RMND1: variants seen among roughly 807,000 people sequenced by gnomAD.
RMND1 encodes required for meiotic nuclear division protein 1 homolog.
RMND1 carries 41 observed loss-of-function variants against 54.0 expected under a neutral mutation model. The observed-to-expected ratio is 0.76, with a 90% confidence interval of 0.59 to 0.98. The LOEUF (loss-of-function observed/expected upper bound fraction) is 0.98. RMND1 is among the 50% of genes least tolerant of loss of function. RMND1 has a pLI of 0.00. For missense variants in RMND1, 457 were observed against 532.0 expected, an observed-to-expected ratio of 0.86 and a Z score of 1.39; for synonymous variants, 183 against 181.7, an observed-to-expected ratio of 1.01 and a Z score of -0.06.
Position 151,433,239 on chromosome 6 carries a change from T to C in RMND1, c.614-9A>G. The C allele has an allele frequency of 6.3e-7, 1 of 1,599,928 alleles. No homozygotes were observed. On this transcript the variant is annotated splice_polypyrimidine_tract_variant and intron_variant, in intron 3 of 11. Coordinates refer to ENST00000444024, the MANE Select transcript of RMND1 (RefSeq NM_017909.4). ...CAAAATATTTGCTGCATCTGTGATT[T>C]AAAATAAACGAACAAAAAAGCTATG...
At chr6:151,434,291 T>A (rs1306872645) in intron 3 of RMND1, among the ~76,000 whole-genome samples, 1 of 151,944 alleles carries the variant, frequency 6.6e-6, no homozygotes, top group African/African-American at 2.4e-5. Flanking sequence ...AATATACTAT[T>A]AATTTGCAAA....
chr6:151,417,967 C>G (rs545705176), intron 9 of RMND1, among the ~76,000 whole-genome samples: 1 of 152,050 alleles, frequency 6.6e-6, no homozygotes, highest in Non-Finnish European at 1.5e-5. Flanking sequence ...TACCATCACA[C>G]CTGGCTAATT....
At chr6:151,439,656 T>C (rs1328618556) in intron 2 of RMND1, among the ~76,000 whole-genome samples, 1 of 152,174 alleles carries the variant, frequency 6.6e-6, no homozygotes, top group African/African-American at 2.4e-5. Flanking sequence ...TTCTGTTTTT[T>C]ACTTTATTAT....
intron 1 of RMND1, among the ~76,000 whole-genome samples, chr6:151,448,652 A>C (rs112689364): frequency 3.3e-4 from 51 of 152,326 alleles, no homozygotes; most frequent in Middle Eastern, 3.4e-3. Flanking sequence ...CCCATGGATT[A>C]TTATAATAGC....
chr6:151,421,358 G>A, intron 8 of RMND1, 37 bp from the exon 9 acceptor site: 2 of 1,474,944 alleles, frequency 1.4e-6, no homozygotes. Flanking sequence ...AAAAAACCAT[G>A]TATCTCTCTT....
chr6:151,427,384 A>C, intron 6 of RMND1, 98 bp downstream of exon 6: 1 of 708,556 alleles, frequency 1.4e-6, no homozygotes, highest in Non-Finnish European at 2.4e-6. Context: ...TCAAAAAAAA[A>C]AAAAAAGTTT....
intron 5 of RMND1, among the ~76,000 whole-genome samples, chr6:151,429,563 G>A (rs371229626): frequency 4.0e-5 from 6 of 150,916 alleles, no homozygotes; most frequent in Admixed American, 3.3e-4. Context: ...TGTGTATTTT[G>A]GTAATTTCTA....
intron 5 of RMND1, among the ~76,000 whole-genome samples, chr6:151,429,123 C>CTTTTTTTTTT (rs528642361): frequency 1.5e-4 from 21 of 140,046 alleles, no homozygotes; most frequent in African/African-American, 5.2e-4. Context: ...TTGTAACCCG[C>CTTTTTTTTTT]TTTTTTTTTT....
chr6:151,425,288 C>A (rs1170550136), intron 6 of RMND1, among the ~76,000 whole-genome samples: 1 of 152,112 alleles, frequency 6.6e-6, no homozygotes, highest in African/African-American at 2.4e-5. Context: ...CAGAGCTGAG[C>A]AGATCCCTGG....
In RMND1 at chr6:151,427,510, T is replaced by C; in HGVS notation, c.802A>G (p.Asn268Asp). Residue 268 changes from asparagine to aspartate, a missense_variant, in exon 6 of 12, where the codon AAT (asparagine) becomes GAT (aspartate). Physicochemically the swap from Asn to Asp is conservative, Grantham distance 23. Transcript: ENST00000444024. ...PYEIALVHWE[N>D]EELNYIKIEG... is the part of the protein sequence containing the mutation. ...ATTTTTATGTAGTTAAGTTCTTCAT[T>C]TTCCCAGTGTACCAGTGCGATTTCA... 1 of 1,611,354 alleles carries C rather than the reference T, an allele frequency of 6.2e-7. No individual in the cohort carries two copies. The highest frequency in any genetic ancestry group is 8.5e-7 in the Non-Finnish European group (1 of 1,177,676).
chr6:151,417,339 TTC>T lies in RMND1; in HGVS notation c.1138_1139del (p.Glu380LysfsTer8). On this transcript the variant is annotated frameshift_variant, in exon 10 of 12. Transcript: ENST00000444024. LOFTEE classifies it high-confidence loss of function. ...LITPDFYWDR[E>X]NLEGLYDKTC... is the part of the protein sequence containing the mutation. ...TTTTATCGTAAAGTCCTTCCAGGTTTTCTCTGTCCCAGTAGAAATCAGGAGTA... is the reference window on the plus strand; with the variant it reads ...TTTTATCGTAAAGTCCTTCCAGGTTTTCTGTCCCAGTAGAAATCAGGAGTA... 6.2e-7 allele frequency: 1 copy of T among 1,613,872 alleles called. No individual in the cohort carries two copies. Among genetic ancestry groups the T allele is most frequent in the Non-Finnish European group, 8.5e-7 (1 of 1,179,868 alleles).
intron 2 of RMND1, among the ~76,000 whole-genome samples, chr6:151,443,646 G>C (rs945854602): frequency 6.6e-6 from 1 of 152,126 alleles, no homozygotes; most frequent in African/African-American, 2.4e-5. Flanking sequence ...TGTGCTTTCA[G>C]AAAGACAGCA....
Position 151,405,100 on chromosome 6 carries a change from C to T in RMND1, c.*135G>A, listed in dbSNP as rs1779563351. The T allele has an allele frequency of 1.0e-5, 7 of 689,894 alleles. No homozygotes were observed. The highest frequency in any genetic ancestry group is 1.7e-5 in the Non-Finnish European group (7 of 400,094). The allele number at this position is 689,894 out of a possible 1,614,324, so 42.7% of individuals were successfully genotyped here. On this transcript the variant is annotated 3_prime_UTR_variant, in exon 12 of 12. Transcript: ENST00000444024. ...GCCAGGCTTGTCTTGAGCTCCTGATCTCATCTCAAGCCACCCTTCTTGGCC... is the reference window on the plus strand; with the variant it reads ...GCCAGGCTTGTCTTGAGCTCCTGATTTCATCTCAAGCCACCCTTCTTGGCC...
intron 8 of RMND1, among the ~76,000 whole-genome samples, chr6:151,421,979 C>A (rs1293660497): frequency 6.6e-6 from 1 of 151,842 alleles, no homozygotes; most frequent in East Asian, 1.9e-4. Flanking sequence ...AAAAATACTG[C>A]ACCAACAGAG....
intron 6 of RMND1, among the ~76,000 whole-genome samples, chr6:151,425,391 C>T (rs1476110497): frequency 1.3e-5 from 2 of 151,990 alleles, no homozygotes; most frequent in Admixed American, 1.3e-4. Context: ...ATCCTAAGCA[C>T]TGAGGATTTT....
chr6:151,443,284 C>T (rs576465498), intron 2 of RMND1, among the ~76,000 whole-genome samples: 51 of 152,238 alleles, frequency 3.4e-4, no homozygotes, highest in Admixed American at 1.7e-3. Flanking sequence ...TCCAAAATTA[C>T]ATTATCTCAG....
intron 1 of RMND1, among the ~76,000 whole-genome samples, 181 bp downstream of exon 1, chr6:151,451,835 G>A (rs28384516): frequency 2.0e-5 from 3 of 152,114 alleles, no homozygotes; most frequent in East Asian, 3.9e-4. Context: ...TCAAAAAAAG[G>A]GTTCATTAAT....
chr6:151,424,984 C>T (rs960284483), intron 6 of RMND1, among the ~76,000 whole-genome samples: 2 of 152,062 alleles, frequency 1.3e-5, no homozygotes, highest in Non-Finnish European at 2.9e-5. Context: ...GCTCTGTCAC[C>T]CAGACTGGAG....
intron 1 of RMND1, chr6:151,446,160 C>T (rs985334272): frequency 5.0e-5 from 10 of 201,316 alleles, no homozygotes; most frequent in Non-Finnish European, 1.0e-4. Flanking sequence ...CTGTAGCTCA[C>T]ACTTGTAATC....
Sources: allele counts gnomAD v4.1 joint callset (sites outside exome capture counted in the v4.1 genomes callset), GRCh38; gene constraint gnomAD v4.1.1; transcripts MANE v1.5; gene names NCBI Gene and HGNC (gene_info 2026-07-23, HGNC 2026-07-21).